ATP11C: variants seen among roughly 807,000 people sequenced by gnomAD.
ATP11C encodes the protein phospholipid-transporting ATPase IG.
Under a neutral mutation model 97.4 loss-of-function variants are expected in ATP11C, and 36 were observed. The ratio of observed to expected loss-of-function variants is 0.37; its 90% CI spans 0.28 to 0.49. ATP11C has a LOEUF of 0.49. Ranked by LOEUF, ATP11C falls within the 20% of genes least tolerant of loss-of-function variation. The pLI is 0.98. For missense variants in ATP11C, 730 were observed against 824.6 expected (o/e 0.89, Z 1.40); for synonymous variants, 275 against 290.9 (o/e 0.95, Z 0.56).
At chrX:139,925,455 T>TTGCAGCCCAGTCTGAAATGCATAA (rs2085336260) in intron 1 of ATP11C, among the ~76,000 whole-genome samples, 1 of 100,190 alleles carries the variant, frequency 1.0e-5, no homozygotes, top group African/African-American at 3.6e-5. Flanking sequence ...CTGGCTAATT[T>TTGCAGCCCAGTCTGAAATGCATAA]TGTAGCCCAG....
chrX:139,930,863 A>G (rs1387079255), intron 1 of ATP11C, among the ~76,000 whole-genome samples: 1 of 112,575 alleles, frequency 8.9e-6, no homozygotes, highest in Admixed American at 9.4e-5. Flanking sequence ...AATGAGAGCA[A>G]ATATATCCGA....
At chrX:139,877,274 A>T (rs1400702729) in intron 1 of ATP11C, among the ~76,000 whole-genome samples, 1 of 112,183 alleles carries the variant, frequency 8.9e-6, no homozygotes, top group Admixed American at 9.5e-5. Context: ...TTTCCTTGTA[A>T]CACCTCAAAG....
At chrX:139,812,552 T>G (rs1419587706) in intron 5 of ATP11C, among the ~76,000 whole-genome samples, 1 of 109,157 alleles carries the variant, frequency 9.2e-6, no homozygotes, top group Non-Finnish European at 1.9e-5. Context: ...TGTTGGTTTT[T>G]TTTTTTTTTT....
chrX:139,808,327 A>C (rs1238063822), intron 5 of ATP11C, among the ~76,000 whole-genome samples: 1 of 112,193 alleles, frequency 8.9e-6, no homozygotes, highest in Non-Finnish European at 1.9e-5. Flanking sequence ...AATATTTCAA[A>C]AAGATAATGA....
chrX:139,816,543 G>A (rs558416864), intron 4 of ATP11C, among the ~76,000 whole-genome samples: 8 of 111,556 alleles, frequency 7.2e-5, no homozygotes, highest in African/African-American at 2.6e-4. Flanking sequence ...CACAAAAATG[G>A]GAGTTTTTCA....
intron 7 of ATP11C, among the ~76,000 whole-genome samples, chrX:139,801,948 T>C (rs932912243): frequency 1.1e-4 from 12 of 112,011 alleles, no homozygotes; most frequent in Non-Finnish European, 1.7e-4. Flanking sequence ...ATCAGTCTGA[T>C]AGATCAGCCT....
chrX:139,912,193 A>C (rs1013908212), intron 1 of ATP11C, among the ~76,000 whole-genome samples: 1 of 108,995 alleles, frequency 9.2e-6, no homozygotes, highest in Non-Finnish European at 1.9e-5. Context: ...AAAAAAAAAA[A>C]AACTTAGCAA....
At chrX:139,890,456 TA>T (rs2084710616) in intron 1 of ATP11C, among the ~76,000 whole-genome samples, 1 of 111,133 alleles carries the variant, frequency 9.0e-6, no homozygotes, top group African/African-American at 3.3e-5. Flanking sequence ...CGCTTGAGCC[TA>T]AAAGTTCAAA....
At chrX:139,927,220 A>G (rs1442523766) in intron 1 of ATP11C, among the ~76,000 whole-genome samples, 2 of 111,671 alleles carry the variant, frequency 1.8e-5, no homozygotes, top group Non-Finnish European at 3.8e-5. Flanking sequence ...CGACCCCAGG[A>G]TTGACTGCAG....
rs1165114484 is a variant in ATP11C, at chrX:139,796,339, A to G, written c.1140T>C (p.Phe380=). The G allele has an allele frequency of 8.3e-7, 1 of 1,206,978 alleles. No individual in the cohort carries two copies. Residue 380 remains phenylalanine (F), a synonymous_variant, in exon 12 of 30, where the codon TTT becomes TTC. Transcript: ENST00000682941. ...GSFFISWDKD[F]YDEEINEGAL... is the part of the protein sequence containing the mutation. Reference sequence around the variant, plus strand: ...CTCCTTCATTAATTTCTTCATCATAAAAGTCCTTATCCCATGAGATGAAGA... The same window carrying G: ...CTCCTTCATTAATTTCTTCATCATAGAAGTCCTTATCCCATGAGATGAAGA...
intron 1 of ATP11C, among the ~76,000 whole-genome samples, chrX:139,928,339 A>G (rs1340819195): frequency 3.6e-5 from 4 of 111,762 alleles, no homozygotes; most frequent in African/African-American, 1.3e-4. Flanking sequence ...ACATACAGAT[A>G]TATTTCTAAA....
At chrX:139,906,168 G>A (rs752586368) in intron 1 of ATP11C, among the ~76,000 whole-genome samples, 142 of 109,636 alleles carry the variant, frequency 1.3e-3, no homozygotes, top group Non-Finnish European at 2.4e-3. Flanking sequence ...TTGGGAGGCT[G>A]AGGCAGGTGG....
At chrX:139,896,343 A>G (rs1409750762) in intron 1 of ATP11C, among the ~76,000 whole-genome samples, 1 of 110,637 alleles carries the variant, frequency 9.0e-6, no homozygotes, top group African/African-American at 3.3e-5. Context: ...AGGACATTCT[A>G]CAAAACACCT....
intron 5 of ATP11C, among the ~76,000 whole-genome samples, chrX:139,812,009 A>G (rs1026466333): frequency 9.9e-5 from 11 of 111,454 alleles, no homozygotes; most frequent in African/African-American, 3.3e-4. Context: ...CTGATTGCAC[A>G]TTCATGCTTT....
intron 24 of ATP11C, 111 bp from the exon 25 acceptor site, chrX:139,745,968 C>T: frequency 1.2e-6 from 1 of 826,491 alleles, no homozygotes. Flanking sequence ...AGGGGGCTAC[C>T]CTTAATGGCC....
In ATP11C at chrX:139,768,257, T is replaced by C. The variant is rs1184456451; in HGVS notation, c.2391+3A>G. On this transcript the variant is annotated splice_donor_region_variant and intron_variant, in intron 20 of 29. Transcript: ENST00000682941. ...TGGAACGTTAACTAATATTCACAGT[T>C]ACCTGGGCTTTCTGTAATGGTGCCA... 2 of 1,081,663 alleles carry C rather than the reference T, an allele frequency of 1.8e-6. No homozygotes were observed. Among genetic ancestry groups the C allele is most frequent in the Admixed American group, 5.9e-5 (2 of 34,083 alleles). The allele number at this position is 1,081,663 out of a possible 1,213,427, so 89.1% of individuals were successfully genotyped here. A position where few individuals can be genotyped will look rare whatever the true frequency, so the allele number is the denominator to read the frequency against.
At chrX:139,849,575 C>T (rs2083958573) in intron 1 of ATP11C, among the ~76,000 whole-genome samples, 1 of 111,976 alleles carries the variant, frequency 8.9e-6, no homozygotes, top group South Asian at 3.8e-4. Context: ...TATACCATCT[C>T]TACTTCCTCA....
At chrX:139,850,832 C>G (rs2083978588) in intron 1 of ATP11C, among the ~76,000 whole-genome samples, 1 of 110,671 alleles carries the variant, frequency 9.0e-6, no homozygotes, top group African/African-American at 3.3e-5. Flanking sequence ...AATTGTTGAA[C>G]CCGGGAGGCG....
chrX:139,852,482 A>G lies in ATP11C; in HGVS notation c.28-25659T>C, dbSNP rs866623879. 7.7e-3 allele frequency among the ~76,000 whole-genome samples: 277 copies of G among 35,830 alleles called. 1 individual carries two copies. The highest frequency in any genetic ancestry group is 9.1e-3 in the East Asian group (7 of 772). 31.1% of individuals were successfully genotyped at this position (35,830 alleles called of 115,157 possible). On this transcript the variant is annotated intron_variant, in intron 1 of 29. Coordinates refer to ENST00000682941, the MANE Select transcript of ATP11C (RefSeq NM_001353812.2). ...GGGGGGGGGGGGGGGGGGGGGGGGG[A>G]ACTGGCCAGCGACCTAGCTTAAAGG...
Sources: allele counts gnomAD v4.1 joint callset (sites outside exome capture counted in the v4.1 genomes callset), GRCh38; gene constraint gnomAD v4.1.1; transcripts MANE v1.5; gene names NCBI Gene and HGNC (gene_info 2026-07-23, HGNC 2026-07-21).